The following RCAN2 variants were observed in gnomAD, a reference collection of about 807,000 sequenced individuals.
The protein encoded by RCAN2 is regulator of calcineurin 2, also known as calcipressin-2.
Under a neutral mutation model 23.6 loss-of-function variants are expected in RCAN2, and 9 were observed. The observed-to-expected ratio is 0.38, with a 90% confidence interval of 0.23 to 0.67. RCAN2 has a LOEUF of 0.67. RCAN2 is among the 30% of genes least tolerant of loss of function. The pLI is 0.51. For missense variants in RCAN2, 273 were observed against 302.3 expected, an observed-to-expected ratio of 0.90 and a Z score of 0.72; for synonymous variants, 109 against 115.7, an observed-to-expected ratio of 0.94 and a Z score of 0.37.
chr6:46,268,716 A>T (rs1767425466), intron 2 of RCAN2, among the ~76,000 whole-genome samples: 1 of 152,220 alleles, frequency 6.6e-6, no homozygotes, highest in Non-Finnish European at 1.5e-5. Flanking sequence ...ATTGTTTTTT[A>T]GCCAACTGTG....
At chr6:46,388,150 G>A (rs574969823) in intron 2 of RCAN2, among the ~76,000 whole-genome samples, 17 of 152,126 alleles carry the variant, frequency 1.1e-4, no homozygotes, top group Admixed American at 9.8e-4. Context: ...TATACCCAAT[G>A]TAAATGACGA....
chr6:46,467,694 G>A (rs576815125), intron 1 of RCAN2, among the ~76,000 whole-genome samples: 8 of 152,350 alleles, frequency 5.3e-5, no homozygotes, highest in African/African-American at 1.9e-4. Flanking sequence ...TGCAATGTGG[G>A]AACCACAGTA....
chr6:46,339,252 T>C (rs1764232204), intron 2 of RCAN2, among the ~76,000 whole-genome samples: 1 of 152,078 alleles, frequency 6.6e-6, no homozygotes, highest in South Asian at 2.1e-4. Context: ...TTATGTAATA[T>C]ACTATAAATT....
intron 4 of RCAN2, among the ~76,000 whole-genome samples, chr6:46,234,950 G>C (rs141507948): frequency 6.6e-6 from 1 of 152,240 alleles, no homozygotes; most frequent in African/African-American, 2.4e-5. Flanking sequence ...GTGCTGACTA[G>C]GGGCTGGGAA....
At chr6:46,324,191 A>G (rs1171588913) in intron 2 of RCAN2, among the ~76,000 whole-genome samples, 1 of 152,166 alleles carries the variant, frequency 6.6e-6, no homozygotes, top group Non-Finnish European at 1.5e-5. Context: ...CCAAACCTTT[A>G]TGTCCTTATT....
chr6:46,295,415 AGAT>A (rs1309371560), intron 2 of RCAN2, among the ~76,000 whole-genome samples: 5 of 152,176 alleles, frequency 3.3e-5, no homozygotes, highest in Non-Finnish European at 7.3e-5. Context: ...AAGAAAGAGA[AGAT>A]GAGAATGGAG....
intron 2 of RCAN2, among the ~76,000 whole-genome samples, chr6:46,400,353 C>G (rs1019385153): frequency 6.6e-6 from 1 of 152,170 alleles, no homozygotes; most frequent in Non-Finnish European, 1.5e-5. Context: ...AGATCCAATA[C>G]TGGGAACTAA....
chr6:46,305,786 C>T (rs1763045237), intron 2 of RCAN2, among the ~76,000 whole-genome samples: 1 of 152,006 alleles, frequency 6.6e-6, no homozygotes, highest in East Asian at 1.9e-4. Flanking sequence ...GGTTCATGAG[C>T]TAGTCAAAGC....
At chr6:46,241,307 A>G (rs1031904018) in intron 4 of RCAN2, among the ~76,000 whole-genome samples, 1 of 152,238 alleles carries the variant, frequency 6.6e-6, no homozygotes, top group Admixed American at 6.5e-5. Flanking sequence ...TATTCAACTC[A>G]TAATTCTCCT....
At chr6:46,476,494 GGTGA>G (rs1768716343) in intron 1 of RCAN2, among the ~76,000 whole-genome samples, 3 of 152,162 alleles carry the variant, frequency 2.0e-5, no homozygotes. Context: ...AGGACATAGT[GGTGA>G]GTAACAAAAC....
chr6:46,333,692 A>G (rs1349432166), intron 2 of RCAN2, among the ~76,000 whole-genome samples: 3 of 152,184 alleles, frequency 2.0e-5, no homozygotes, highest in Non-Finnish European at 4.4e-5. Context: ...ACATTTTCCC[A>G]TCTGGTGGGT....
At chr6:46,391,325 A>G (rs1392730046) in intron 2 of RCAN2, among the ~76,000 whole-genome samples, 2 of 152,214 alleles carry the variant, frequency 1.3e-5, no homozygotes, top group African/African-American at 2.4e-5. Flanking sequence ...GAAAGCAAAG[A>G]GTCTGGAACA....
At position 46,241,279 on chromosome 6, in the gene RCAN2, C is replaced by G. The variant is rs998139575; in HGVS notation, c.571+5469G>C. On this transcript the variant is annotated intron_variant, in intron 4 of 4. Transcript: ENST00000371374. ...GTACTGCTTCTGGAGTCAGGAACAA[C>G]AGATATTTCAAAATAAATATTCAAC... 2.0e-5 allele frequency among the ~76,000 whole-genome samples: 3 copies of G among 152,184 alleles called. No homozygotes were observed. The South Asian group carries it at 6.2e-4, about 31-fold the overall frequency.
rs1240948992 is a variant in RCAN2, at chr6:46,233,721, C to CTT, written c.572-10422_572-10421dup. 1.7e-3 allele frequency among the ~76,000 whole-genome samples: 216 copies of CTT among 130,736 alleles called. 9 individuals carry two copies. The highest frequency in any genetic ancestry group is 2.3e-3 in the Non-Finnish European group (141 of 61,778). The allele number at this position is 130,736 out of a possible 152,430, so 85.8% of individuals were successfully genotyped here. On this transcript the variant is annotated intron_variant, in intron 4 of 4. Transcript: ENST00000371374. The stretch of plus-strand genomic sequence containing the variant: ...TCCCTGGCTGAGATGAAGAACACTT[C>CTT]TTTTTTTTTTTTTTTTTTCTTGAGA...
At chr6:46,369,834 G>C (rs1398427485) in intron 2 of RCAN2, among the ~76,000 whole-genome samples, 1 of 152,182 alleles carries the variant, frequency 6.6e-6, no homozygotes, top group Non-Finnish European at 1.5e-5. Context: ...AACGACAAGA[G>C]CAGCTAATCA....
At chr6:46,306,762 C>T (rs748234234) in intron 2 of RCAN2, among the ~76,000 whole-genome samples, 2 of 152,124 alleles carry the variant, frequency 1.3e-5, no homozygotes, top group Admixed American at 1.3e-4. Flanking sequence ...TGCTCAAATG[C>T]CACCTCCTTG....
intron 4 of RCAN2, among the ~76,000 whole-genome samples, chr6:46,245,785 C>T (rs1766491950): frequency 6.6e-6 from 1 of 152,076 alleles, no homozygotes. Context: ...TGGGGTCAGG[C>T]ATTCAGATTC....
intron 2 of RCAN2, among the ~76,000 whole-genome samples, chr6:46,338,081 C>T (rs1561865076): frequency 6.6e-6 from 1 of 152,208 alleles, no homozygotes; most frequent in East Asian, 1.9e-4. Context: ...ATTCCTATAC[C>T]TGACAGAGCA....
intron 2 of RCAN2, among the ~76,000 whole-genome samples, chr6:46,298,630 T>C (rs1762797777): frequency 6.6e-6 from 1 of 152,076 alleles, no homozygotes; most frequent in Non-Finnish European, 1.5e-5. Context: ...TTTAAAAAAT[T>C]ACCCAACTTA....
Sources: allele counts gnomAD v4.1 joint callset (sites outside exome capture counted in the v4.1 genomes callset), GRCh38; gene constraint gnomAD v4.1.1; transcripts MANE v1.5; gene names NCBI Gene and HGNC (gene_info 2026-07-23, HGNC 2026-07-21).